The following ANO6 variants were observed in gnomAD, a reference collection of about 807,000 sequenced individuals.
ANO6 encodes the protein anoctamin 6, also known as anoctamin-6.
A neutral mutation model predicts 117.5 loss-of-function variants in ANO6; 106 were observed. The ratio of observed to expected loss-of-function variants is 0.90; its 90% CI spans 0.77 to 1.06. The LOEUF is 1.06. Ranked by LOEUF, ANO6 falls within the 50% of genes least tolerant of loss-of-function variation. The pLI is 0.00. For missense variants in ANO6, 955 were observed against 1,121.1 expected, an observed-to-expected ratio of 0.85 and a Z score of 2.12; for synonymous variants, 367 against 385.1, an observed-to-expected ratio of 0.95 and a Z score of 0.55.
At chr12:45,433,494 T>C (rs940310162), downstream of ANO6, among the ~76,000 whole-genome samples, 1 of 152,160 alleles carries the variant, frequency 6.6e-6, no homozygotes, top group Non-Finnish European at 1.5e-5. Flanking sequence ...AGATAAATCC[T>C]GGGGAAATGT....
At chr12:45,327,273 A>G (rs1181259731) in intron 2 of ANO6, among the ~76,000 whole-genome samples, 1 of 152,200 alleles carries the variant, frequency 6.6e-6, no homozygotes, top group Non-Finnish European at 1.5e-5. Context: ...TGACTATCAT[A>G]TTGGGAAAAG....
At chr12:45,287,744 A>G (rs1938962899) in intron 1 of ANO6, among the ~76,000 whole-genome samples, 1 of 152,172 alleles carries the variant, frequency 6.6e-6, no homozygotes, top group Admixed American at 6.5e-5. Flanking sequence ...TGAAGGGAAG[A>G]CACAGTGGAG....
At chr12:45,376,741 T>C (rs1237673543) in intron 9 of ANO6, among the ~76,000 whole-genome samples, 1 of 150,798 alleles carries the variant, frequency 6.6e-6, no homozygotes, top group African/African-American at 2.4e-5. Flanking sequence ...TTGGGAGGTA[T>C]ACCTAATGCT....
chr12:45,242,065 C>T (rs1308488467), intron 1 of ANO6, among the ~76,000 whole-genome samples: 1 of 152,212 alleles, frequency 6.6e-6, no homozygotes, highest in Non-Finnish European at 1.5e-5. Context: ...ATTCTCAGAG[C>T]TCAGACACCA....
chr12:45,402,399 C>G (rs953053309), intron 13 of ANO6, among the ~76,000 whole-genome samples: 4 of 151,668 alleles, frequency 2.6e-5, no homozygotes, highest in African/African-American at 7.3e-5. Flanking sequence ...AGCTATCACA[C>G]TGCTACGTGT....
intron 2 of ANO6, among the ~76,000 whole-genome samples, chr12:45,330,107 TG>T (rs1940612861): frequency 6.6e-6 from 1 of 152,066 alleles, no homozygotes; most frequent in African/African-American, 2.4e-5. Flanking sequence ...GAAGGTGCAT[TG>T]AGATGGGTTA....
chr12:45,382,679 A>G (rs1443767926), intron 10 of ANO6, among the ~76,000 whole-genome samples: 2 of 152,226 alleles, frequency 1.3e-5, no homozygotes, highest in African/African-American at 4.8e-5. Flanking sequence ...AAAGGGAGCC[A>G]CACAAATTTT....
chr12:45,408,623 T>TTAAA (rs1943006553), intron 15 of ANO6, among the ~76,000 whole-genome samples: 1 of 152,176 alleles, frequency 6.6e-6, no homozygotes, highest in Non-Finnish European at 1.5e-5. Flanking sequence ...ATGATTCAGC[T>TTAAA]TAAAATAGGA....
intron 2 of ANO6, among the ~76,000 whole-genome samples, chr12:45,323,404 C>T (rs1940346532): frequency 6.6e-6 from 1 of 152,134 alleles, no homozygotes; most frequent in Non-Finnish European, 1.5e-5. Context: ...CCCTGATAAT[C>T]TGAGTAACAG....
intron 9 of ANO6, among the ~76,000 whole-genome samples, chr12:45,377,751 A>G (rs1425599961): frequency 2.6e-5 from 4 of 152,250 alleles, no homozygotes; most frequent in Admixed American, 1.3e-4. Context: ...ATTCAAGCCC[A>G]ATGGAGGCTT....
chr12:45,275,293 C>T (rs927893550), intron 1 of ANO6, among the ~76,000 whole-genome samples: 3 of 152,152 alleles, frequency 2.0e-5, no homozygotes, highest in Non-Finnish European at 2.9e-5. Context: ...TCACTGCAAC[C>T]TCTGACTCCT....
intron 2 of ANO6, among the ~76,000 whole-genome samples, chr12:45,327,195 C>G (rs1354743057): frequency 6.6e-6 from 1 of 152,010 alleles, no homozygotes; most frequent in African/African-American, 2.4e-5. Context: ...TTCATTTGGG[C>G]AGTATCCATA....
chr12:45,270,847 G>A (rs1938373239), intron 1 of ANO6, among the ~76,000 whole-genome samples: 1 of 152,112 alleles, frequency 6.6e-6, no homozygotes, highest in Non-Finnish European at 1.5e-5. Context: ...TGCTTCCCAA[G>A]TAGCTGGAAT....
chr12:45,219,263 C>T (rs969512798), intron 1 of ANO6, among the ~76,000 whole-genome samples: 2 of 152,146 alleles, frequency 1.3e-5, no homozygotes, highest in African/African-American at 4.8e-5. Flanking sequence ...TGGAAATGTG[C>T]CCTCTAGTAG....
intron 2 of ANO6, among the ~76,000 whole-genome samples, chr12:45,329,348 T>C (rs1940585323): frequency 6.6e-6 from 1 of 152,194 alleles, no homozygotes; most frequent in African/African-American, 2.4e-5. Flanking sequence ...CACTCTTTTC[T>C]CTAGTATTGC....
At chr12:45,390,363 A>G in intron 11 of ANO6, 58 bp from the exon 12 acceptor site, 1 of 1,359,722 alleles carries the variant, frequency 7.4e-7, no homozygotes, top group Non-Finnish European at 1.1e-6. Flanking sequence ...GTCAGGAGAA[A>G]AATAATTTTA....
chr12:45,254,820 A>G (rs1937754021), intron 1 of ANO6, among the ~76,000 whole-genome samples: 1 of 152,248 alleles, frequency 6.6e-6, no homozygotes, highest in Non-Finnish European at 1.5e-5. Flanking sequence ...TTCCATAAAC[A>G]GACTCAACAT....
intron 1 of ANO6, among the ~76,000 whole-genome samples, chr12:45,229,110 G>A (rs1026768269): frequency 6.6e-6 from 1 of 152,140 alleles, no homozygotes; most frequent in African/African-American, 2.4e-5. Context: ...ATGAGAAGCT[G>A]AAAACCTGAA....
chr12:45,334,109 G>A (rs1940756149), intron 3 of ANO6, among the ~76,000 whole-genome samples: 1 of 151,968 alleles, frequency 6.6e-6, no homozygotes, highest in Non-Finnish European at 1.5e-5. Flanking sequence ...CCACTCATAT[G>A]ACCAAAAACA....
Sources: allele counts gnomAD v4.1 joint callset (sites outside exome capture counted in the v4.1 genomes callset), GRCh38; gene constraint gnomAD v4.1.1; transcripts MANE v1.5; gene names NCBI Gene and HGNC (gene_info 2026-07-23, HGNC 2026-07-21).